The following IGFL2 variants were observed in gnomAD, a reference collection of about 807,000 sequenced individuals.
IGFL2 encodes the protein IGF like family member 2.
IGFL2 carries 7 observed loss-of-function variants against 13.9 expected under a neutral mutation model. That is an observed-to-expected ratio of 0.51 (90% CI 0.29 to 0.95). IGFL2 has a LOEUF of 0.95. Among genes scored for constraint, IGFL2 ranks in the 40% least tolerant of loss-of-function variants. The pLI is 0.08. For synonymous variants in IGFL2, 55 were observed against 55.8 expected, an observed-to-expected ratio of 0.99 and a Z score of 0.07; for missense variants, 138 against 147.8, an observed-to-expected ratio of 0.93 and a Z score of 0.34.
the IGFL2 span, among the ~76,000 whole-genome samples, chr19:46,125,024 A>C: frequency 1.3e-5 from 2 of 152,260 alleles, no homozygotes; most frequent in East Asian, 3.9e-4. Flanking sequence ...ACTAAGCTCC[A>C]ATCAGAGAGA....
chr19:46,143,283 A>G (rs909636409), upstream of IGFL2: 32 of 152,322 alleles, frequency 2.1e-4, no homozygotes, highest in African/African-American at 7.7e-4. Context: ...TATTGTAAGA[A>G]TGTAGTGTAT....
chr19:46,085,677 G>T, the IGFL2 span, among the ~76,000 whole-genome samples: 1 of 152,114 alleles, frequency 6.6e-6, no homozygotes, highest in Admixed American at 6.6e-5. Context: ...TTGTTAGCTG[G>T]TTGTTATGTA....
the IGFL2 span, among the ~76,000 whole-genome samples, chr19:46,106,802 C>T: frequency 2.0e-5 from 3 of 152,012 alleles, no homozygotes; most frequent in East Asian, 1.9e-4. Flanking sequence ...GGGATATTGG[C>T]GTTGAGCATG....
chr19:46,188,334 A>G, the IGFL2 span, among the ~76,000 whole-genome samples: 2 of 152,110 alleles, frequency 1.3e-5, no homozygotes, highest in African/African-American at 4.8e-5. Context: ...GGAGCAGTTC[A>G]TCATGAATCT....
At chr19:46,178,372 C>T in the IGFL2 span, among the ~76,000 whole-genome samples, 4 of 152,174 alleles carry the variant, frequency 2.6e-5, no homozygotes, top group South Asian at 2.1e-4. Context: ...TAACATCACA[C>T]TACAGATAGC....
chr19:46,184,149 C>T, the IGFL2 span, among the ~76,000 whole-genome samples: 1 of 152,186 alleles, frequency 6.6e-6, no homozygotes, highest in Non-Finnish European at 1.5e-5. Flanking sequence ...GCATTCAACA[C>T]ATGTATAATT....
the IGFL2 span, among the ~76,000 whole-genome samples, chr19:46,115,050 A>G: frequency 6.6e-6 from 1 of 152,130 alleles, no homozygotes; most frequent in African/African-American, 2.4e-5. Context: ...ATGTTCATCC[A>G]TAGCCCTAGT....
At chr19:46,144,979 A>C (rs780215643), upstream of IGFL2, among the ~76,000 whole-genome samples, 19 of 152,294 alleles carry the variant, frequency 1.2e-4, no homozygotes, top group Admixed American at 8.5e-4. Context: ...TTTATTGCTC[A>C]AAAGTTTCCA....
At chr19:46,130,532 C>G in the IGFL2 span, among the ~76,000 whole-genome samples, 1 of 152,032 alleles carries the variant, frequency 6.6e-6, no homozygotes, top group Non-Finnish European at 1.5e-5. Context: ...TTGGAAGCAC[C>G]TTTTCATTAT....
chr19:46,148,429 T>C, intron 1 of IGFL2, 132 bp downstream of exon 1: 1 of 796,800 alleles, frequency 1.3e-6, no homozygotes, highest in Non-Finnish European at 2.1e-6. Flanking sequence ...GTGTCCTCTC[T>C]GACTGCATTG....
chr19:46,184,801 T>A, the IGFL2 span, among the ~76,000 whole-genome samples: 1 of 152,226 alleles, frequency 6.6e-6, no homozygotes, highest in African/African-American at 2.4e-5. Context: ...CAAATAGTAT[T>A]TCTAGTTCTA....
At chr19:46,139,116 T>C (rs1972738595), upstream of IGFL2, among the ~76,000 whole-genome samples, 1 of 152,032 alleles carries the variant, frequency 6.6e-6, no homozygotes, top group Non-Finnish European at 1.5e-5. Flanking sequence ...CCCCAGGAGC[T>C]GTTCAGGGCC....
chr19:46,189,627 G>A, the IGFL2 span: 1 of 152,252 alleles, frequency 6.6e-6, no homozygotes, highest in Admixed American at 6.5e-5. Context: ...GAGCCCTCTA[G>A]TGGCCCTGTC....
At chr19:46,096,064 A>G in the IGFL2 span, among the ~76,000 whole-genome samples, 16 of 152,108 alleles carry the variant, frequency 1.1e-4, no homozygotes, top group Non-Finnish European at 1.5e-4. Context: ...AAGAATGTCA[A>G]TGGTAGTTTG....
At chr19:46,092,704 C>G in the IGFL2 span, among the ~76,000 whole-genome samples, 1 of 151,648 alleles carries the variant, frequency 6.6e-6, no homozygotes. Context: ...TTGTCTTGAA[C>G]TCCTGGCCTC....
the IGFL2 span, among the ~76,000 whole-genome samples, chr19:46,188,812 A>G: frequency 1.3e-5 from 2 of 152,294 alleles, no homozygotes; most frequent in East Asian, 3.9e-4. Flanking sequence ...CTCCCAGCAT[A>G]TGGCCAGAGG....
At chr19:46,131,122 A>G in the IGFL2 span, among the ~76,000 whole-genome samples, 2 of 152,182 alleles carry the variant, frequency 1.3e-5, no homozygotes, top group Non-Finnish European at 2.9e-5. Flanking sequence ...TTTTCTTGCT[A>G]ATGAATGTCC....
the IGFL2 span, among the ~76,000 whole-genome samples, chr19:46,085,059 T>TCTCCAAA: frequency 6.6e-6 from 1 of 152,194 alleles, no homozygotes; most frequent in Non-Finnish European, 1.5e-5. Context: ...GGAGTACAGC[T>TCTCCAAA]ATTGGGTCGC....
the IGFL2 span, chr19:46,136,969 CTG>C: frequency 6.9e-7 from 1 of 1,440,460 alleles, no homozygotes; most frequent in Non-Finnish European, 9.8e-7. Flanking sequence ...TGCTGTATAT[CTG>C]TGTTTTGTCC....
Sources: gnomAD v4.1 joint callset for allele counts (sites outside exome capture counted in the v4.1 genomes callset) on GRCh38, gnomAD v4.1.1 for gene constraint, MANE v1.5 for transcripts, NCBI Gene and HGNC (gene_info 2026-07-23, HGNC 2026-07-21) for gene names.